IL1RAPL1: variants seen among roughly 807,000 people sequenced by gnomAD.
IL1RAPL1 encodes the protein interleukin-1 receptor accessory protein-like 1.
In IL1RAPL1, 3 loss-of-function variants were observed where a neutral mutation model predicts 48.4. That is an observed-to-expected ratio of 0.06 (90% confidence interval 0.03 to 0.16). The LOEUF (loss-of-function observed/expected upper bound fraction) is 0.16, where lower values mean the gene tolerates loss of function less well. Among genes scored for constraint, IL1RAPL1 ranks in the 10% least tolerant of loss-of-function variants. The probability of loss-of-function intolerance (pLI) is 1.00; values close to 1 mark genes in which losing one functional copy is unlikely to be tolerated. For missense variants in IL1RAPL1, 349 were observed against 530.6 expected (o/e 0.66, Z 3.36); for synonymous variants, 185 against 187.7 (o/e 0.99, Z 0.12).
chrX:29,932,265 AG>A (rs1932959748), intron 8 of IL1RAPL1, among the ~76,000 whole-genome samples: 1 of 112,177 alleles, frequency 8.9e-6, no homozygotes, highest in African/African-American at 3.2e-5. Context: ...TAAAGGGGAA[AG>A]GTTTTCTGCA....
chrX:28,633,627 G>C (rs972104505), intron 1 of IL1RAPL1, among the ~76,000 whole-genome samples: 2 of 111,891 alleles, frequency 1.8e-5, no homozygotes, highest in African/African-American at 6.5e-5. Flanking sequence ...TCAGTGAACT[G>C]GTTCAAATAA....
intron 5 of IL1RAPL1, among the ~76,000 whole-genome samples, chrX:29,452,750 G>A (rs1431296938): frequency 9.1e-6 from 1 of 110,165 alleles, no homozygotes; most frequent in African/African-American, 3.3e-5. Flanking sequence ...ATTGCCGATT[G>A]CCAGCAGAAA....
chrX:29,376,707 G>A (rs1221473071), intron 3 of IL1RAPL1, among the ~76,000 whole-genome samples: 1 of 111,778 alleles, frequency 8.9e-6, no homozygotes, highest in Non-Finnish European at 1.9e-5. Context: ...TCTTGATAGT[G>A]ATTTCTATTT....
At chrX:29,038,897 A>G (rs1926783447) in intron 2 of IL1RAPL1, among the ~76,000 whole-genome samples, 1 of 111,369 alleles carries the variant, frequency 9.0e-6, no homozygotes, top group Non-Finnish European at 1.9e-5. Context: ...ACAATTTCCA[A>G]TTTCAGTTTC....
intron 3 of IL1RAPL1, among the ~76,000 whole-genome samples, chrX:29,377,361 G>A (rs1368423325): frequency 2.7e-5 from 3 of 111,611 alleles, no homozygotes; most frequent in African/African-American, 9.8e-5. Flanking sequence ...ATTTACATTC[G>A]GGGTTAGTAT....
intron 6 of IL1RAPL1, among the ~76,000 whole-genome samples, chrX:29,673,602 CT>C (rs766533205): frequency 2.8e-4 from 31 of 112,134 alleles, no homozygotes; most frequent in African/African-American, 7.8e-4. Flanking sequence ...AAATGTGGTT[CT>C]TTTTGCCCAT....
intron 2 of IL1RAPL1, among the ~76,000 whole-genome samples, chrX:29,212,241 A>T (rs1020840591): frequency 2.7e-5 from 3 of 111,064 alleles, no homozygotes; most frequent in Non-Finnish European, 5.7e-5. Flanking sequence ...CTCGAATAAC[A>T]TGGAGGTTCA....
At chrX:29,687,795 G>GA (rs1274574361) in intron 6 of IL1RAPL1, among the ~76,000 whole-genome samples, 5 of 111,114 alleles carry the variant, frequency 4.5e-5, no homozygotes, top group African/African-American at 1.3e-4. Flanking sequence ...ACCACTATAG[G>GA]AAAAAAAACC....
intron 5 of IL1RAPL1, among the ~76,000 whole-genome samples, chrX:29,576,752 A>G (rs1446483770): frequency 9.0e-6 from 1 of 111,473 alleles, no homozygotes; most frequent in Non-Finnish European, 1.9e-5. Context: ...AATGAGTTTC[A>G]TATATACTCG....
chrX:29,926,822 T>A (rs1462976116), intron 8 of IL1RAPL1, among the ~76,000 whole-genome samples: 1 of 111,505 alleles, frequency 9.0e-6, no homozygotes, highest in Non-Finnish European at 1.9e-5. Context: ...GGGGTCAAAA[T>A]TGCTCCTGGT....
intron 2 of IL1RAPL1, among the ~76,000 whole-genome samples, chrX:29,229,251 A>G (rs958707935): frequency 9.9e-5 from 11 of 111,519 alleles, no homozygotes; most frequent in Non-Finnish European, 1.5e-4. Context: ...TAGAAACCCA[A>G]TGTCAGTCTT....
chrX:28,753,059 C>T (rs55939552), intron 1 of IL1RAPL1, among the ~76,000 whole-genome samples: 30,533 of 110,773 alleles, frequency 0.28, 3,587 homozygotes, highest in Admixed American at 0.4. Context: ...ACGAAGTCCC[C>T]GAGGCTGCCT....
intron 1 of IL1RAPL1, among the ~76,000 whole-genome samples, chrX:28,755,806 C>G (rs1936098969): frequency 8.9e-6 from 1 of 111,805 alleles, no homozygotes; most frequent in South Asian, 3.7e-4. Flanking sequence ...CAGTGGTTCT[C>G]AAATTTTAAT....
At chrX:29,302,505 G>A (rs1932551343) in intron 3 of IL1RAPL1, among the ~76,000 whole-genome samples, 1 of 111,893 alleles carries the variant, frequency 8.9e-6, no homozygotes, top group Non-Finnish European at 1.9e-5. Context: ...TAGGTGGTAA[G>A]ATAGTATATG....
At chrX:28,783,815 A>T (rs1372257383) in intron 1 of IL1RAPL1, among the ~76,000 whole-genome samples, 4 of 111,253 alleles carry the variant, frequency 3.6e-5, no homozygotes, top group Non-Finnish European at 5.7e-5. Flanking sequence ...CTCTTCTGTG[A>T]ATGTTTTCAT....
intron 6 of IL1RAPL1, among the ~76,000 whole-genome samples, chrX:29,766,845 A>G (rs927488474): frequency 2.8e-5 from 3 of 107,195 alleles, no homozygotes; most frequent in African/African-American, 1.0e-4. Flanking sequence ...CTTGAAAGTT[A>G]TTTGCAAGAT....
intron 2 of IL1RAPL1, among the ~76,000 whole-genome samples, chrX:28,832,947 C>T (rs61395306): frequency 0.023 from 2,455 of 107,164 alleles, 72 homozygotes; most frequent in African/African-American, 0.079. Context: ...TAGTACCCAA[C>T]AGTTAGTTTT....
chrX:29,399,287 A>G lies in IL1RAPL1; in HGVS notation c.682A>G (p.Thr228Ala). The G allele has an allele frequency of 4.1e-6, 5 of 1,205,617 alleles. No individual in the cohort carries two copies. Among genetic ancestry groups the G allele is most frequent in the Non-Finnish European group, 5.6e-6 (5 of 889,920 alleles). The part of the protein sequence containing the change: ...LKYGGFVVRR[T>A]TELTVTAPLT... ...ATATGGAGGCTTTGTTGTGAGAAGA[A>G]CTACTGAATTAACTGTTACAGGTAA... The change falls in exon 5 of 11, where the codon ACT (threonine) becomes GCT (alanine). Residue 228 changes from threonine (T) to alanine (A), a missense_variant. Coordinates refer to ENST00000378993, the MANE Select transcript of IL1RAPL1 (RefSeq NM_014271.4).
chrX:28,796,347 TC>T (rs1160407832), intron 2 of IL1RAPL1, among the ~76,000 whole-genome samples: 2 of 111,645 alleles, frequency 1.8e-5, no homozygotes, highest in Non-Finnish European at 3.8e-5. Context: ...CAGCATTAAC[TC>T]AGAAGTCCAC....
Sources: gnomAD v4.1 joint callset for allele counts (sites outside exome capture counted in the v4.1 genomes callset) on GRCh38, gnomAD v4.1.1 for gene constraint, MANE v1.5 for transcripts, NCBI Gene and HGNC (gene_info 2026-07-23, HGNC 2026-07-21) for gene names.